The following RPRD2 variants were observed in gnomAD, a reference collection of about 807,000 sequenced individuals.
RPRD2 encodes the protein regulation of nuclear pre-mRNA domain-containing protein 2.
RPRD2 carries 12 observed loss-of-function variants against 104.4 expected under a neutral mutation model. The observed-to-expected ratio is 0.11, with a 90% CI of 0.07 to 0.19. RPRD2 has a LOEUF of 0.19. RPRD2 is among the 10% of genes least tolerant of loss of function. The probability of loss-of-function intolerance (pLI) is 1.00; values close to 1 mark genes in which losing one functional copy is unlikely to be tolerated. For missense variants in RPRD2, 1,543 were observed against 1,790.1 expected (o/e 0.86, Z 2.49); for synonymous variants, 714 against 684.9 (o/e 1.04, Z -0.66).
intron 1 of RPRD2, among the ~76,000 whole-genome samples, chr1:150,394,068 C>T (rs140322934): frequency 2.0e-3 from 303 of 152,100 alleles, no homozygotes; most frequent in Non-Finnish European, 3.1e-3. Context: ...TCTTTTGAGA[C>T]GGAATTTCAC....
chr1:150,445,567 G>T (rs2102368470), intron 6 of RPRD2, among the ~76,000 whole-genome samples: 1 of 152,252 alleles, frequency 6.6e-6, no homozygotes, highest in South Asian at 2.1e-4. Flanking sequence ...GAATACAGTT[G>T]AGCTTCATTC....
At chr1:150,435,281 C>G (rs1199437274) in intron 2 of RPRD2, among the ~76,000 whole-genome samples, 2 of 152,124 alleles carry the variant, frequency 1.3e-5, no homozygotes, top group Non-Finnish European at 2.9e-5. Context: ...ACCACAATAT[C>G]GAAATTAGAA....
chr1:150,450,462 G>C (rs1214359922), intron 7 of RPRD2, among the ~76,000 whole-genome samples: 1 of 151,286 alleles, frequency 6.6e-6, no homozygotes, highest in Non-Finnish European at 1.5e-5. Flanking sequence ...AAAAAATTAG[G>C]TGGGCGTGGT....
At chr1:150,424,588 G>C (rs1184875297) in intron 2 of RPRD2, among the ~76,000 whole-genome samples, 1 of 151,948 alleles carries the variant, frequency 6.6e-6, no homozygotes, top group African/African-American at 2.4e-5. Flanking sequence ...ACGCGGCCCA[G>C]ATTTTATTAT....
At chr1:150,384,315 T>C (rs1661376122) in intron 1 of RPRD2, among the ~76,000 whole-genome samples, 1 of 151,898 alleles carries the variant, frequency 6.6e-6, no homozygotes, top group Admixed American at 6.6e-5. Context: ...TCAAAAACTA[T>C]GTGAAACAGG....
intron 1 of RPRD2, among the ~76,000 whole-genome samples, chr1:150,392,187 A>G (rs1662129395): frequency 6.7e-6 from 1 of 149,896 alleles, no homozygotes; most frequent in Non-Finnish European, 1.5e-5. Flanking sequence ...TTCCATCTCA[A>G]AAAAAAAAAG....
intron 1 of RPRD2, among the ~76,000 whole-genome samples, chr1:150,391,218 A>G (rs1031386816): frequency 6.6e-6 from 1 of 152,250 alleles, no homozygotes; most frequent in Admixed American, 6.5e-5. Flanking sequence ...TCTACCTAGC[A>G]AAACTAAGTT....
intron 1 of RPRD2, among the ~76,000 whole-genome samples, chr1:150,397,419 A>G (rs72696859): frequency 0.1 from 15,533 of 152,186 alleles, 880 homozygotes; most frequent in Non-Finnish European, 0.12. Flanking sequence ...ATAATTGTGT[A>G]GCCACCACAA....
At position 150,457,316 on chromosome 1, in the gene RPRD2, A is replaced by G; in HGVS notation, c.899A>G (p.Asn300Ser). The G allele has an allele frequency of 6.2e-7, 1 of 1,610,174 alleles. No homozygotes were observed. The highest frequency in any genetic ancestry group is 1.7e-4 in the Middle Eastern group (1 of 6,060). The part of the protein sequence containing the change: ...NAYKTFANRV[N>S]NLKKKLDQLK... ...TATAAAACCTTTGCTAACCGAGTAA[A>G]CAATTTAAAGAAGAAGTTGGATCAA... Residue 300 changes from asparagine (N) to serine (S), a missense_variant, in exon 8 of 11, where the codon AAC becomes AGC. Physicochemically the swap from Asn to Ser is conservative, Grantham distance 46 (BLOSUM62 1). Coordinates refer to ENST00000369068, the MANE Select transcript of RPRD2 (RefSeq NM_015203.5).
chr1:150,447,634 A>G (rs1157785651), intron 7 of RPRD2, among the ~76,000 whole-genome samples: 2 of 152,146 alleles, frequency 1.3e-5, no homozygotes, highest in Non-Finnish European at 2.9e-5. Flanking sequence ...ACACCCAGCC[A>G]GGGAACTTCT....
At chr1:150,387,392 A>G (rs1465254044) in intron 1 of RPRD2, among the ~76,000 whole-genome samples, 2 of 152,070 alleles carry the variant, frequency 1.3e-5, no homozygotes, top group Non-Finnish European at 2.9e-5. Flanking sequence ...AGAGAGGATC[A>G]GAACAAAATG....
At chr1:150,468,427 G>A (rs1317548044) in intron 10 of RPRD2, among the ~76,000 whole-genome samples, 1 of 151,862 alleles carries the variant, frequency 6.6e-6, no homozygotes, top group Non-Finnish European at 1.5e-5. Flanking sequence ...AGAAATCTGA[G>A]TAGTATATCT....
Position 150,473,342 on chromosome 1 carries a change from C to G in RPRD2, c.*8C>G, listed in dbSNP as rs1668728013. ...TTCCCTCCCAGGTACTGATGGAAAC[C>G]AAGGGAAAGGCATTTTGAACAGTCT... On this transcript the variant is annotated 3_prime_UTR_variant, in exon 11 of 11. Coordinates refer to ENST00000369068, the MANE Select transcript of RPRD2 (RefSeq NM_015203.5). 10 of 1,599,000 alleles carry G rather than the reference C, an allele frequency of 6.3e-6. No individual in the cohort carries two copies. The African/African-American group carries it at 8.1e-5, about 13-fold the overall frequency.
At chr1:150,433,570 G>A (rs901143535) in intron 2 of RPRD2, among the ~76,000 whole-genome samples, 12 of 144,562 alleles carry the variant, frequency 8.3e-5, no homozygotes, top group Non-Finnish European at 1.5e-4. Context: ...TCAGCCTCCC[G>A]AGTAGCTGGG....
At chr1:150,419,187 A>G (rs1363481377) in intron 2 of RPRD2, among the ~76,000 whole-genome samples, 12 of 152,150 alleles carry the variant, frequency 7.9e-5, no homozygotes, top group Admixed American at 7.9e-4. Context: ...TGTTGCATCC[A>G]TATTTGTAAA....
At chr1:150,469,046 C>A (rs1668452000) in intron 10 of RPRD2, among the ~76,000 whole-genome samples, 3 of 151,774 alleles carry the variant, frequency 2.0e-5, no homozygotes, top group Admixed American at 6.6e-5. Flanking sequence ...AAAGACCATC[C>A]AACATTATTT....
In RPRD2 at chr1:150,364,679, GCCA is replaced by G. The variant is rs1572323459; in HGVS notation, c.-35_-33del. Reference sequence around the variant, plus strand: ...TCCCGCCGCCGCCGCCGCCGCCGCCGCCAGAGGAGCAGCAGCGCTTGTGCAAAC... The same window carrying G: ...TCCCGCCGCCGCCGCCGCCGCCGCCGGAGGAGCAGCAGCGCTTGTGCAAAC... On this transcript the variant is annotated 5_prime_UTR_variant, in exon 1 of 11. Coordinates refer to ENST00000369068, the MANE Select transcript of RPRD2 (RefSeq NM_015203.5). 24 of 1,297,756 alleles carry G rather than the reference GCCA, an allele frequency of 1.8e-5. No individual in the cohort carries two copies. Among genetic ancestry groups the G allele is most frequent in the Admixed American group, 2.7e-5 (1 of 36,674 alleles). 80.4% of individuals were successfully genotyped at this position (1,297,756 alleles called of 1,614,324 possible). A position where few individuals can be genotyped will look rare whatever the true frequency, so the allele number is the denominator to read the frequency against.
intron 1 of RPRD2, among the ~76,000 whole-genome samples, chr1:150,385,317 C>CA (rs1377753004): frequency 1.2e-3 from 175 of 147,348 alleles, no homozygotes; most frequent in African/African-American, 3.8e-3. Context: ...CCACCCCCAC[C>CA]AAAAAAAAAA....
chr1:150,457,594 A>T (rs782618659), intron 8 of RPRD2, 24 bp downstream of exon 8: 2 of 1,604,004 alleles, frequency 1.2e-6, no homozygotes, highest in Admixed American at 3.3e-5. Flanking sequence ...TGATTAATAG[A>T]CAACTTATTC....
Sources: gnomAD v4.1 joint callset for allele counts (sites outside exome capture counted in the v4.1 genomes callset) on GRCh38, gnomAD v4.1.1 for gene constraint, MANE v1.5 for transcripts, NCBI Gene and HGNC (gene_info 2026-07-23, HGNC 2026-07-21) for gene names.